RTRAF: variants seen among roughly 807,000 people sequenced by gnomAD.
RTRAF encodes the protein tRNA-splicing ligase complex subunit RTRAF.
Under a neutral mutation model 34.4 loss-of-function variants are expected in RTRAF, and 14 were observed. That is an observed-to-expected ratio of 0.41 (90% CI 0.27 to 0.64). The LOEUF (loss-of-function observed/expected upper bound fraction) is 0.64, where lower values mean the gene tolerates loss of function less well. RTRAF is among the 30% of genes least tolerant of loss of function. RTRAF has a pLI of 0.34. For missense variants in RTRAF, 291 were observed against 288.4 expected (o/e 1.01, Z -0.06); for synonymous variants, 96 against 95.3 (o/e 1.01, Z -0.04).
Position 52,006,568 on chromosome 14 carries a change from C to T in RTRAF, c.*2052C>T. On this transcript the variant is annotated 3_prime_UTR_variant, in exon 8 of 8. Coordinates refer to ENST00000261700, the MANE Select transcript of RTRAF (RefSeq NM_016039.3). Reference sequence around the variant, plus strand: ...CAGTCTGTGTGGTAGAAGTGATCTGCATAGCTTACGATGCTGAAGGGGTAC... The same window carrying T: ...CAGTCTGTGTGGTAGAAGTGATCTGTATAGCTTACGATGCTGAAGGGGTAC... The T allele has an allele frequency of 6.2e-7, 1 of 1,613,790 alleles. No homozygotes were observed. Among genetic ancestry groups the T allele is most frequent in the African/African-American group, 1.3e-5 (1 of 75,014 alleles).
chr14:51,993,471 C>A (rs1890467144), intron 2 of RTRAF, among the ~76,000 whole-genome samples: 1 of 152,100 alleles, frequency 6.6e-6, no homozygotes, highest in South Asian at 2.1e-4. Flanking sequence ...TAACCCTTGG[C>A]AAGTGTCAAT....
intron 2 of RTRAF, among the ~76,000 whole-genome samples, chr14:51,993,083 G>T (rs564140377): frequency 6.6e-6 from 1 of 151,344 alleles, no homozygotes; most frequent in East Asian, 1.9e-4. Context: ...ATACACACAC[G>T]TATTTCTGAT....
chr14:52,006,649 G>GT lies in RTRAF; in HGVS notation c.*2139dup. The GT allele has an allele frequency of 6.2e-7, 1 of 1,613,296 alleles. No individual in the cohort carries two copies. The highest frequency in any genetic ancestry group is 8.5e-7 in the Non-Finnish European group (1 of 1,179,554). On this transcript the variant is annotated 3_prime_UTR_variant, in exon 8 of 8. Coordinates refer to ENST00000261700, the MANE Select transcript of RTRAF (RefSeq NM_016039.3). Reference sequence around the variant, plus strand: ...GTTCCATCAGGTAGTGTACACTCCAGTTTTTTGGTTCCTTTTAAAACAAAG... The same window carrying GT: ...GTTCCATCAGGTAGTGTACACTCCAGTTTTTTTGGTTCCTTTTAAAACAAAG...
rs1476284 is a variant in RTRAF, at chr14:52,008,003, C to A, written c.*3487C>A. On this transcript the variant is annotated 3_prime_UTR_variant, in exon 8 of 8. Transcript: ENST00000261700. ...AAAATCAAGATTGTAAAAGAATAGC[C>A]ATGTAGCCTGTGGTAGGCAGCATCT... 1 of 1,570,582 alleles carries A rather than the reference C, an allele frequency of 6.4e-7. No homozygotes were observed.
Position 52,007,689 on chromosome 14 carries a change from A to AAGTT in RTRAF, c.*3174_*3177dup, listed in dbSNP as rs1890842132. 1 of 929,292 alleles carries AAGTT rather than the reference A, an allele frequency of 1.1e-6. No homozygotes were observed. Among genetic ancestry groups the AAGTT allele is most frequent in the South Asian group, 1.4e-5 (1 of 69,084 alleles). 57.6% of individuals were successfully genotyped at this position (929,292 alleles called of 1,614,324 possible). A position where few individuals can be genotyped will look rare whatever the true frequency, so the allele number is the denominator to read the frequency against. ...AGTACTTAAATTTACTAGTACTTAA[A>AAGTT]AGTTTACAGACCAAAGAAAGGAGAT... On this transcript the variant is annotated 3_prime_UTR_variant, in exon 8 of 8. Transcript: ENST00000261700.
chr14:51,997,558 T>G (rs1890539744), intron 3 of RTRAF, among the ~76,000 whole-genome samples: 1 of 151,966 alleles, frequency 6.6e-6, no homozygotes, highest in Non-Finnish European at 1.5e-5. Flanking sequence ...AGATGCCATT[T>G]TGAACATTAA....
intron 7 of RTRAF, 47 bp from the exon 8 acceptor site, chr14:52,004,315 A>AATGTAAAAATTATGTATT (rs1408542983): frequency 1.9e-6 from 3 of 1,594,972 alleles, no homozygotes; most frequent in Middle Eastern, 1.7e-4. Context: ...AATGGCCTTA[A>AATGTAAAAATTATGTATT]ATGTAAAAAT....
intron 3 of RTRAF, among the ~76,000 whole-genome samples, chr14:51,996,383 T>C (rs1165879242): frequency 6.6e-6 from 1 of 152,154 alleles, no homozygotes; most frequent in African/African-American, 2.4e-5. Flanking sequence ...CCTTGACTTT[T>C]AAGTTACTTA....
rs886487315 is a variant in RTRAF at position 52,004,712 on chromosome 14, G to A, written c.*196G>A. ...GAAAGTAGAATTTTTATTATGTACT[G>A]TATGTTTGCATAAATCACCTTTCTC... On this transcript the variant is annotated 3_prime_UTR_variant, in exon 8 of 8. Transcript: ENST00000261700. 3 of 500,124 alleles carry A rather than the reference G, an allele frequency of 6.0e-6. No homozygotes were observed. The highest frequency in any genetic ancestry group is 2.0e-5 in the African/African-American group (1 of 50,330). 31.0% of individuals were successfully genotyped at this position (500,124 alleles called of 1,614,324 possible). A position where few individuals can be genotyped will look rare whatever the true frequency, so the allele number is the denominator to read the frequency against.
chr14:51,995,769 G>A (rs953476422), intron 3 of RTRAF, among the ~76,000 whole-genome samples: 10 of 151,724 alleles, frequency 6.6e-5, no homozygotes, highest in African/African-American at 2.4e-4. Flanking sequence ...AAATCTTAAG[G>A]AAAGCTCAAT....
chr14:52,004,795 C>A lies in RTRAF; in HGVS notation c.*279C>A. On this transcript the variant is annotated 3_prime_UTR_variant, in exon 8 of 8. Transcript: ENST00000261700. ...GCTTTGTCCTAGAGACAATATAGAT[C>A]CTTAAGTCATAGGAAAACTTAAAAC... 3.6e-6 allele frequency: 1 copy of A among 276,324 alleles called. No individual in the cohort carries two copies. 17.1% of individuals were successfully genotyped at this position (276,324 alleles called of 1,614,324 possible). A position where few individuals can be genotyped will look rare whatever the true frequency, so the allele number is the denominator to read the frequency against.
chr14:52,005,785 G>A lies in RTRAF; in HGVS notation c.*1269G>A, dbSNP rs1292327175. ...GCAGTTATCCCGTAGAGGTGAGATCGTTGTTCTGGGAGATACTCATCAGTA... is the reference window on the plus strand; with the variant it reads ...GCAGTTATCCCGTAGAGGTGAGATCATTGTTCTGGGAGATACTCATCAGTA... On this transcript the variant is annotated 3_prime_UTR_variant, in exon 8 of 8. Transcript: ENST00000261700. 5 of 1,613,874 alleles carry A rather than the reference G, an allele frequency of 3.1e-6. No individual in the cohort carries two copies. Among genetic ancestry groups the A allele is most frequent in the Admixed American group, 1.7e-5 (1 of 60,008 alleles).
At chr14:51,989,788 A>G in intron 1 of RTRAF, 88 bp downstream of exon 1, 1 of 1,368,518 alleles carries the variant, frequency 7.3e-7, no homozygotes, top group South Asian at 1.3e-5. Flanking sequence ...CCCCGTCGGG[A>G]CCCTCGGCGG....
Position 52,006,497 on chromosome 14 carries a change from G to C in RTRAF, c.*1981G>C. On this transcript the variant is annotated 3_prime_UTR_variant, in exon 8 of 8. Transcript: ENST00000261700. The stretch of plus-strand genomic sequence containing the variant: ...AACAAGTGGTGTGTCCTCTGGAACA[G>C]TTGGCCTTTTCAGGCTTGTCCAGAA... 5.6e-6 allele frequency: 9 copies of C among 1,611,584 alleles called. No homozygotes were observed. Among genetic ancestry groups the C allele is most frequent in the East Asian group, 2.2e-5 (1 of 44,830 alleles).
chr14:51,990,786 C>T (rs1407272826), intron 1 of RTRAF, among the ~76,000 whole-genome samples: 1 of 152,072 alleles, frequency 6.6e-6, no homozygotes, highest in Non-Finnish European at 1.5e-5. Context: ...GTCACAGTGT[C>T]TTTTTTGTCA....
In RTRAF at chr14:52,005,286, T is replaced by G. The variant is rs1890721441; in HGVS notation, c.*770T>G. The stretch of plus-strand genomic sequence containing the variant: ...CCTTTTTAAACTTGCAATAACAACC[T>G]TCATTTTTAAAAATACAGTAGTAAA... On this transcript the variant is annotated 3_prime_UTR_variant, in exon 8 of 8. Transcript: ENST00000261700. 7.1e-6 allele frequency: 3 copies of G among 420,980 alleles called. No individual in the cohort carries two copies. The East Asian group carries it at 1.1e-4, about 15-fold the overall frequency. The allele number at this position is 420,980 out of a possible 1,614,324, so 26.1% of individuals were successfully genotyped here.
At chr14:51,991,063 G>C (rs1436000813) in intron 1 of RTRAF, among the ~76,000 whole-genome samples, 1 of 152,170 alleles carries the variant, frequency 6.6e-6, no homozygotes, top group Non-Finnish European at 1.5e-5. Context: ...TGAAGAGTCT[G>C]AGGCACAGAA....
chr14:52,005,221 C>T lies in RTRAF; in HGVS notation c.*705C>T, dbSNP rs184959455. The T allele has an allele frequency of 3.2e-5, 11 of 347,156 alleles. No homozygotes were observed. The highest frequency in any genetic ancestry group is 1.9e-4 in the African/African-American group (9 of 47,432). 21.5% of individuals were successfully genotyped at this position (347,156 alleles called of 1,614,324 possible). On this transcript the variant is annotated 3_prime_UTR_variant, in exon 8 of 8. Transcript: ENST00000261700. Reference sequence around the variant, plus strand: ...TTTAAATATTAATGATAAATGTTTACAAGAAGTTGCTTTAATAAGCAACAG... The same window carrying T: ...TTTAAATATTAATGATAAATGTTTATAAGAAGTTGCTTTAATAAGCAACAG...
chr14:51,993,869 G>T, intron 3 of RTRAF, 47 bp downstream of exon 3: 1 of 1,159,278 alleles, frequency 8.6e-7, no homozygotes, highest in Non-Finnish European at 1.2e-6. Flanking sequence ...GGAAAGATGG[G>T]AAAGGGAGTG....
Sources: gnomAD v4.1 joint callset for allele counts (sites outside exome capture counted in the v4.1 genomes callset) on GRCh38, gnomAD v4.1.1 for gene constraint, MANE v1.5 for transcripts, NCBI Gene and HGNC (gene_info 2026-07-23, HGNC 2026-07-21) for gene names.